ARHGEF10: variants seen among roughly 807,000 people sequenced by gnomAD.
ARHGEF10 encodes Rho guanine nucleotide exchange factor (GEF) 10.
In ARHGEF10, 140 loss-of-function variants were observed where a neutral mutation model predicts 147.4. The ratio of observed to expected loss-of-function variants is 0.95; its 90% CI spans 0.83 to 1.09. ARHGEF10 has a LOEUF of 1.09. Ranked by LOEUF, ARHGEF10 falls within the 50% of genes least tolerant of loss-of-function variation. The pLI, the probability that ARHGEF10 is intolerant of heterozygous loss-of-function variation, is 0.00. For synonymous variants in ARHGEF10, 902 were observed against 695.8 expected, an observed-to-expected ratio of 1.30 and a Z score of -4.67; for missense variants, 2,222 against 1,752.7, an observed-to-expected ratio of 1.27 and a Z score of -4.78.
At position 1,876,738 on chromosome 8, in the gene ARHGEF10, C is replaced by T. The variant is rs371714946; in HGVS notation, c.843+4C>T. ...GCGCAGCAACCACAAAAAGCAAGTA[C>T]GTGTTCCCTGCACATGTGAGGGATG... On this transcript the variant is annotated splice_donor_region_variant and intron_variant, in intron 8 of 28. Transcript: ENST00000349830. 8 of 1,614,112 alleles carry T rather than the reference C, an allele frequency of 5.0e-6. No individual in the cohort carries two copies. In the African/African-American group the frequency reaches 5.3e-5, roughly 11 times the overall value.
At chr8:1,872,075 G>A (rs1390546975) in intron 7 of ARHGEF10, among the ~76,000 whole-genome samples, 3 of 152,004 alleles carry the variant, frequency 2.0e-5, no homozygotes, top group Non-Finnish European at 4.4e-5. Flanking sequence ...AAGAAGGAAG[G>A]AAGGAAAGGA....
chr8:1,863,169 C>G (rs886727733), intron 4 of ARHGEF10, among the ~76,000 whole-genome samples: 1 of 152,160 alleles, frequency 6.6e-6, no homozygotes, highest in African/African-American at 2.4e-5. Context: ...GATCCTGGCC[C>G]TGTGTCTGCC....
intron 13 of ARHGEF10, 95 bp from the exon 14 acceptor site, chr8:1,896,238 G>C: frequency 2.2e-6 from 2 of 908,754 alleles, no homozygotes; most frequent in South Asian, 1.3e-5. Context: ...GACCGAAAGA[G>C]TATTTTGAGG....
chr8:1,927,856 G>A (rs996447306), intron 23 of ARHGEF10, among the ~76,000 whole-genome samples: 31 of 152,068 alleles, frequency 2.0e-4, no homozygotes, highest in Admixed American at 2.0e-4. Flanking sequence ...TGGCAGAATC[G>A]CTTGAACCCA....
chr8:1,896,267 G>A (rs1223037714), intron 13 of ARHGEF10, 66 bp from the exon 14 acceptor site: 1 of 1,165,504 alleles, frequency 8.6e-7, no homozygotes, highest in Non-Finnish European at 1.3e-6. Context: ...CAAATCTTCT[G>A]TTTTATGTTG....
chr8:1,857,712 C>A (rs1470060845), intron 2 of ARHGEF10, among the ~76,000 whole-genome samples: 1 of 77,940 alleles, frequency 1.3e-5, no homozygotes, highest in Non-Finnish European at 2.4e-5. Context: ...GCTACCACCC[C>A]CAGCCTCTTG....
At chr8:1,947,661 C>T (rs1182996591) in intron 27 of ARHGEF10, among the ~76,000 whole-genome samples, 2 of 141,062 alleles carry the variant, frequency 1.4e-5, no homozygotes, top group East Asian at 2.2e-4. Context: ...CCCAACCCTG[C>T]CCCCATCCTC....
chr8:1,906,360 A>G (rs904044000), intron 17 of ARHGEF10, among the ~76,000 whole-genome samples: 2 of 152,170 alleles, frequency 1.3e-5, no homozygotes, highest in Non-Finnish European at 2.9e-5. Context: ...AATCTTCCAG[A>G]GTTTTGAGAT....
intron 11 of ARHGEF10, among the ~76,000 whole-genome samples, chr8:1,890,579 A>G (rs566994413): frequency 7.2e-6 from 1 of 138,314 alleles, no homozygotes; most frequent in Admixed American, 6.9e-5. Flanking sequence ...CTGAGTGTGT[A>G]AGGGTCTGTG....
Position 1,823,971 on chromosome 8 carries a change from C to A in ARHGEF10, c.-190C>A, listed in dbSNP as rs1212711151. 6 of 124,720 alleles carry A rather than the reference C, an allele frequency of 4.8e-5. No individual in the cohort carries two copies. The highest frequency in any genetic ancestry group is 1.6e-4 in the African/African-American group (5 of 31,598). 7.7% of individuals were successfully genotyped at this position (124,720 alleles called of 1,614,324 possible). A position where few individuals can be genotyped will look rare whatever the true frequency, so the allele number is the denominator to read the frequency against. ...TAGCCGGCGGGCGCGCGATCCGGGA[C>A]GGACGGGGTCGCGGGGGACGCGGGG... On this transcript the variant is annotated 5_prime_UTR_variant, in exon 1 of 29. Transcript: ENST00000349830.
Position 1,957,573 on chromosome 8 carries a change from A to C in ARHGEF10, c.*310A>C. 1.6e-5 allele frequency: 7 copies of C among 435,490 alleles called. No homozygotes were observed. Among genetic ancestry groups the C allele is most frequent in the East Asian group, 4.4e-5 (1 of 22,962 alleles). 27.0% of individuals were successfully genotyped at this position (435,490 alleles called of 1,614,324 possible). On this transcript the variant is annotated 3_prime_UTR_variant, in exon 29 of 29. Coordinates refer to ENST00000349830, the MANE Select transcript of ARHGEF10 (RefSeq NM_014629.4). ...GCTGTAGTCCATATGTGAATACTAA[A>C]TGTTAAACTTCATCAGCGTCAGACC...
chr8:1,911,305 G>A (rs2069168), intron 18 of ARHGEF10, among the ~76,000 whole-genome samples: 19,810 of 151,674 alleles, frequency 0.13, 1,512 homozygotes, highest in African/African-American at 0.21. Flanking sequence ...TTTTTATCAC[G>A]TCTCTATGGA....
intron 1 of ARHGEF10, among the ~76,000 whole-genome samples, chr8:1,833,027 C>CAG (rs368726069): frequency 1.7e-3 from 4 of 2,408 alleles, no homozygotes; most frequent in Admixed American, 4.8e-3. Context: ...GAGGCAGAGA[C>CAG]AGGCAGAGAG....
intron 2 of ARHGEF10, among the ~76,000 whole-genome samples, chr8:1,852,309 C>T (rs1805218558): frequency 2.0e-4 from 1 of 5,126 alleles, no homozygotes; most frequent in African/African-American, 1.2e-3. Flanking sequence ...GGGAGCAGCA[C>T]CGTTTCTGTC....
At chr8:1,884,608 C>G (rs1439469031) in intron 10 of ARHGEF10, among the ~76,000 whole-genome samples, 1 of 152,114 alleles carries the variant, frequency 6.6e-6, no homozygotes, top group Non-Finnish European at 1.5e-5. Context: ...GGTTTTAAAG[C>G]CCCTTAGATA....
intron 11 of ARHGEF10, among the ~76,000 whole-genome samples, chr8:1,890,827 C>G (rs1194324106): frequency 1.3e-5 from 2 of 152,020 alleles, no homozygotes; most frequent in Admixed American, 6.6e-5. Context: ...TGGCACTTTT[C>G]CAAGGGCCTG....
rs927556432 is a variant in ARHGEF10 at position 1,824,343 on chromosome 8, G to A, written c.-48+230G>A. ...CAGGATAACGGCGCGGGCCTGGGCGGGGGGAGCAGGGACTGGCAGCAGGGA... is the reference window on the plus strand; with the variant it reads ...CAGGATAACGGCGCGGGCCTGGGCGAGGGGAGCAGGGACTGGCAGCAGGGA... On this transcript the variant is annotated intron_variant, in intron 1 of 28. Coordinates refer to ENST00000349830, the MANE Select transcript of ARHGEF10 (RefSeq NM_014629.4). Among the ~76,000 whole-genome samples, 3 of 152,132 alleles carry A rather than the reference G, an allele frequency of 2.0e-5. No homozygotes were observed. In the East Asian group the frequency reaches 5.9e-4, roughly 30 times the overall value.
At chr8:1,941,462 C>G (rs1226981985) in intron 26 of ARHGEF10, among the ~76,000 whole-genome samples, 2 of 152,090 alleles carry the variant, frequency 1.3e-5, no homozygotes, top group African/African-American at 4.8e-5. Flanking sequence ...TAAAGAATAC[C>G]TAAATAAATG....
chr8:1,828,396 T>C (rs1343167153), intron 1 of ARHGEF10, among the ~76,000 whole-genome samples: 1 of 151,850 alleles, frequency 6.6e-6, no homozygotes, highest in Non-Finnish European at 1.5e-5. Context: ...AACCGTGGCA[T>C]GCACACTTAC....
Sources: gnomAD v4.1 joint callset for allele counts (sites outside exome capture counted in the v4.1 genomes callset) on GRCh38, gnomAD v4.1.1 for gene constraint, MANE v1.5 for transcripts, NCBI Gene and HGNC (gene_info 2026-07-23, HGNC 2026-07-21) for gene names.